Variants in CEMIP observed in about 807,000 individuals in gnomAD.
CEMIP encodes cell migration-inducing and hyaluronan-binding protein.
A neutral mutation model predicts 156.9 loss-of-function variants in CEMIP; 105 were observed. That is an observed-to-expected ratio of 0.67 (90% CI 0.57 to 0.79). The LOEUF is 0.79. Ranked by LOEUF, CEMIP falls within the 30% of genes least tolerant of loss-of-function variation. CEMIP has a pLI of 0.00. For missense variants in CEMIP, 1,457 were observed against 1,769.4 expected, an observed-to-expected ratio of 0.82 and a Z score of 3.17; for synonymous variants, 676 against 668.4, an observed-to-expected ratio of 1.01 and a Z score of -0.17.
chr15:80,878,880 C>T lies in CEMIP; in HGVS notation c.241+13C>T, dbSNP rs938117180. 17 of 1,614,174 alleles carry T rather than the reference C, an allele frequency of 1.1e-5. No individual in the cohort carries two copies. Among genetic ancestry groups the T allele is most frequent in the Non-Finnish European group, 1.4e-5 (17 of 1,180,006 alleles). On this transcript the variant is annotated intron_variant, in intron 4 of 29. Transcript: ENST00000394685. Reference sequence around the variant, plus strand: ...ATCTCAGAGGGAGGTAAGCCAATCTCTCTCTGCTGCTCCCTCTTCCCTCCA... The same window carrying T: ...ATCTCAGAGGGAGGTAAGCCAATCTTTCTCTGCTGCTCCCTCTTCCCTCCA...
intron 19 of CEMIP, among the ~76,000 whole-genome samples, chr15:80,926,168 C>T (rs796572057): frequency 2.3e-4 from 35 of 152,314 alleles, no homozygotes; most frequent in African/African-American, 7.2e-4. Flanking sequence ...ATTTTAGAGA[C>T]GATAAACTGA....
At chr15:80,860,800 C>T (rs1297213386) in intron 1 of CEMIP, among the ~76,000 whole-genome samples, 1 of 152,126 alleles carries the variant, frequency 6.6e-6, no homozygotes, top group East Asian at 1.9e-4. Flanking sequence ...GCTGTGCTGA[C>T]CCCTCTGCCC....
chr15:80,879,355 G>C (rs892894121), intron 4 of CEMIP, among the ~76,000 whole-genome samples: 5 of 152,176 alleles, frequency 3.3e-5, no homozygotes, highest in African/African-American at 1.2e-4. Flanking sequence ...TTAAAATACA[G>C]TTTGACAACT....
intron 4 of CEMIP, among the ~76,000 whole-genome samples, 158 bp downstream of exon 4, chr15:80,879,025 G>A (rs1898558603): frequency 6.6e-6 from 1 of 152,208 alleles, no homozygotes; most frequent in Non-Finnish European, 1.5e-5. Context: ...TCAGCTCTGA[G>A]CTGTTAGGAA....
chr15:80,806,747 T>G (rs1260505250), intron 1 of CEMIP, among the ~76,000 whole-genome samples: 4 of 152,350 alleles, frequency 2.6e-5, no homozygotes, highest in African/African-American at 9.6e-5. Context: ...ATGCCACACT[T>G]TATGCATAGC....
chr15:80,840,743 G>A (rs1375788927), intron 1 of CEMIP, among the ~76,000 whole-genome samples: 4 of 152,210 alleles, frequency 2.6e-5, no homozygotes, highest in Non-Finnish European at 4.4e-5. Flanking sequence ...CTGGGGTGCA[G>A]GGACCACTGC....
At chr15:80,849,877 C>A (rs1418794097) in intron 1 of CEMIP, among the ~76,000 whole-genome samples, 1 of 152,290 alleles carries the variant, frequency 6.6e-6, no homozygotes, top group East Asian at 1.9e-4. Context: ...ACCCAAGAGA[C>A]AATGCATGGC....
chr15:80,826,893 G>A (rs1188593965), intron 1 of CEMIP, among the ~76,000 whole-genome samples: 5 of 152,118 alleles, frequency 3.3e-5, no homozygotes, highest in Admixed American at 6.5e-5. Context: ...TTCACCTTCT[G>A]TTTAGCATAA....
rs868003591 is a variant in CEMIP at position 80,924,659 on chromosome 15, G to A, written c.2241G>A (p.Glu747=). ...TAGACAACGGAGTCAAAACCACCGA[G>A]GCCTCTGCCAAGGACAAGCGGCCGT... ...MIIDNGVKTT[E]ASAKDKRPFL... The change falls in exon 18 of 30, where the codon GAG becomes GAA. Residue 747 remains glutamate, a synonymous_variant. Transcript: ENST00000394685. 1.2e-5 allele frequency: 19 copies of A among 1,614,182 alleles called. No individual in the cohort carries two copies. In the Middle Eastern group the frequency reaches 3.0e-3, roughly 252 times the overall value.
intron 1 of CEMIP, among the ~76,000 whole-genome samples, chr15:80,852,086 G>A (rs371025696): frequency 2.0e-5 from 3 of 152,214 alleles, no homozygotes; most frequent in African/African-American, 7.2e-5. Flanking sequence ...AAACTTTGCA[G>A]GGCAGGAAGG....
chr15:80,853,723 C>A (rs947591871), intron 1 of CEMIP, among the ~76,000 whole-genome samples: 1 of 152,216 alleles, frequency 6.6e-6, no homozygotes, highest in South Asian at 2.1e-4. Flanking sequence ...TCTGCTCCCA[C>A]AACCCCACTT....
In CEMIP at chr15:80,906,942, AG is replaced by A. The variant is rs1899833196; in HGVS notation, c.1587+106del. ...GTAGGGATGAGGGTGGGGGAACAGG[AG>A]GTGGGATCAAGGGGAGGGCGCCTTC... On this transcript the variant is annotated intron_variant, in intron 13 of 29. Transcript: ENST00000394685. This position sits in a 1 kb window ranked among gnomAD's most constrained non-coding sequence, Gnocchi z 4.3. 1 of 1,309,270 alleles carries A rather than the reference AG, an allele frequency of 7.6e-7. No individual in the cohort carries two copies. Among genetic ancestry groups the A allele is most frequent in the African/African-American group, 1.5e-5 (1 of 68,214 alleles). 81.1% of individuals were successfully genotyped at this position (1,309,270 alleles called of 1,614,324 possible).
chr15:80,884,313 G>T lies in CEMIP; in HGVS notation c.756G>T (p.Met252Ile). 6.2e-7 allele frequency: 1 copy of T among 1,614,204 alleles called. No homozygotes were observed. Among genetic ancestry groups the T allele is most frequent in the South Asian group, 1.1e-5 (1 of 91,080 alleles). The change falls in exon 7 of 30, where the codon ATG (methionine) becomes ATT (isoleucine). Residue 252 changes from methionine (M) to isoleucine (I), a missense_variant. By Grantham distance (10) the Met-to-Ile change is conservative. Transcript: ENST00000394685. ...TGGATGACATGGCCAGGAAGGCGAT[G>T]ACCAAATTGGGAAGCAAACACTTCC... ...RNLDDMARKA[M>I]TKLGSKHFLH...
intron 1 of CEMIP, among the ~76,000 whole-genome samples, chr15:80,844,291 G>A (rs369770832): frequency 6.6e-5 from 10 of 152,236 alleles, no homozygotes; most frequent in South Asian, 2.1e-4. Flanking sequence ...CTCTGCCTGC[G>A]CCCCCCAGCC....
Position 80,942,276 on chromosome 15 carries a change from T to C in CEMIP, c.3638T>C (p.Val1213Ala). Residue 1213 changes from valine to alanine, a missense_variant, in exon 27 of 30, where the codon GTG (valine) becomes GCG (alanine). Transcript: ENST00000394685. Reference sequence around the variant, plus strand: ...AAAACAAAGGACCATTTCTTGGAGGTGAAGATGGAGAGTTCCAAGCAGCAC... The same window carrying C: ...AAAACAAAGGACCATTTCTTGGAGGCGAAGATGGAGAGTTCCAAGCAGCAC... Reference protein sequence around the residue: ...QLKTKDHFLEVKMESSKQHFF... With the variant: ...QLKTKDHFLEAKMESSKQHFF... 6.2e-7 allele frequency: 1 copy of C among 1,613,990 alleles called. No homozygotes were observed. The highest frequency in any genetic ancestry group is 8.5e-7 in the Non-Finnish European group (1 of 1,179,952).
At chr15:80,862,968 A>G (rs963966988) in intron 1 of CEMIP, among the ~76,000 whole-genome samples, 4 of 152,194 alleles carry the variant, frequency 2.6e-5, no homozygotes, top group Admixed American at 2.6e-4. Flanking sequence ...CACCCTCTCC[A>G]GAGAGCCCTG....
intron 10 of CEMIP, among the ~76,000 whole-genome samples, chr15:80,893,182 A>AAAATAAAT (rs71153557): frequency 6.6e-6 from 1 of 151,640 alleles, no homozygotes; most frequent in African/African-American, 2.4e-5. Context: ...GCTCTGTCTC[A>AAAATAAAT]AAATAAATAA....
chr15:80,855,071 T>C (rs1897817347), intron 1 of CEMIP, among the ~76,000 whole-genome samples: 1 of 152,186 alleles, frequency 6.6e-6, no homozygotes, highest in African/African-American at 2.4e-5. Context: ...CCTGTAGTCC[T>C]AGCCACTCAG....
chr15:80,863,747 G>T lies in CEMIP; in HGVS notation c.-175-9791G>T, dbSNP rs141154249. On this transcript the variant is annotated intron_variant, in intron 1 of 29. Coordinates refer to ENST00000394685, the MANE Select transcript of CEMIP (RefSeq NM_001293298.2). ...GCCTTTGGGGGCCCGGAGGAAGTTC[G>T]TGGGACTAAGAATAGATCTGCTCCC... Among the ~76,000 whole-genome samples the T allele has an allele frequency of 3.9e-3, 601 of 152,280 alleles. 10 individuals carry two copies. The highest frequency in any genetic ancestry group is 0.014 in the African/African-American group (589 of 41,570).
Sources: gnomAD v4.1 joint callset for allele counts (sites outside exome capture counted in the v4.1 genomes callset) on GRCh38, gnomAD v4.1.1 for gene constraint, Gnocchi (gnomAD v3.1) non-coding constraint, MANE v1.5 for transcripts, NCBI Gene and HGNC (gene_info 2026-07-23, HGNC 2026-07-21) for gene names.